Variants in DSC2 observed in about 807,000 individuals in gnomAD.
The protein encoded by DSC2 is desmocollin-2.
DSC2 carries 51 observed loss-of-function variants against 87.6 expected under a neutral mutation model. That is an observed-to-expected ratio of 0.58 (90% confidence interval 0.46 to 0.74). The LOEUF is 0.74. Ranked by LOEUF, DSC2 falls within the 30% of genes least tolerant of loss-of-function variation. The probability of loss-of-function intolerance (pLI) is 0.00; values close to 1 mark genes in which losing one functional copy is unlikely to be tolerated. For synonymous variants in DSC2, 383 were observed against 393.2 expected (o/e 0.97, Z 0.31); for missense variants, 1,066 against 1,089.5 (o/e 0.98, Z 0.30).
At chr18:31,095,684 C>A (rs146772428) in intron 1 of DSC2, among the ~76,000 whole-genome samples, 1 of 152,134 alleles carries the variant, frequency 6.6e-6, no homozygotes, top group Non-Finnish European at 1.5e-5. Context: ...TATCATGTAC[C>A]ACACACAGAG....
chr18:31,095,370 T>A (rs1287255715), intron 1 of DSC2, among the ~76,000 whole-genome samples: 3 of 152,142 alleles, frequency 2.0e-5, no homozygotes, highest in African/African-American at 7.2e-5. Context: ...AGTGCAGATT[T>A]TGTTCTGAGT....
In DSC2 at chr18:31,089,462, G is replaced by T; in HGVS notation, c.607C>A (p.Arg203Ser). Residue 203 changes from arginine (R) to serine (S), a missense_variant, in exon 5 of 16, where the codon CGT becomes AGT. Transcript: ENST00000280904. ...ACCTCAAAAGATTCATACTGCTCAC[G>T]ATCTACAGGACGAGTACAATACAAG... The part of the protein sequence containing the change: ...GNLYCTRPVD[R>S]EQYESFEIIA... The T allele has an allele frequency of 6.2e-7, 1 of 1,613,730 alleles. No individual in the cohort carries two copies. Among genetic ancestry groups the T allele is most frequent in the Non-Finnish European group, 8.5e-7 (1 of 1,179,854 alleles).
At position 31,067,569 on chromosome 18, in the gene DSC2, C is replaced by A. The variant is rs1473256819; in HGVS notation, c.*446G>T. The A allele has an allele frequency of 5.2e-6, 1 of 192,286 alleles. No homozygotes were observed. Among genetic ancestry groups the A allele is most frequent in the Admixed American group, 5.5e-5 (1 of 18,284 alleles). 11.9% of individuals were successfully genotyped at this position (192,286 alleles called of 1,614,324 possible). A position where few individuals can be genotyped will look rare whatever the true frequency, so the allele number is the denominator to read the frequency against. Reference sequence around the variant, plus strand: ...TAATAGCAAGAATGCAGTCTACACACTTTAGATGTTCAGGAAAACAACAGT... The same window carrying A: ...TAATAGCAAGAATGCAGTCTACACAATTTAGATGTTCAGGAAAACAACAGT... On this transcript the variant is annotated 3_prime_UTR_variant, in exon 16 of 16. Coordinates refer to ENST00000280904, the MANE Select transcript of DSC2 (RefSeq NM_024422.6).
rs185410415 is a variant in DSC2 at position 31,092,476 on chromosome 18, A to T, written c.155-176T>A. Among the ~76,000 whole-genome samples the T allele has an allele frequency of 3.3e-5, 5 of 152,354 alleles. No individual in the cohort carries two copies. The South Asian group carries it at 8.3e-4, about 25-fold the overall frequency. ...AATTAAGTTGTGCTTAAATACTTACATCACTTCTAATACCTACTTAACATT... is the reference window on the plus strand; with the variant it reads ...AATTAAGTTGTGCTTAAATACTTACTTCACTTCTAATACCTACTTAACATT... On this transcript the variant is annotated intron_variant, in intron 2 of 15. Transcript: ENST00000280904.
intron 2 of DSC2, among the ~76,000 whole-genome samples, chr18:31,092,794 A>G (rs1790686): frequency 0.4 from 60,116 of 152,020 alleles, 12,524 homozygotes; most frequent in Non-Finnish European, 0.48. Flanking sequence ...ATAAAAAAAT[A>G]CAATACAGAG....
chr18:31,078,307 A>G (rs1171927849), intron 11 of DSC2, among the ~76,000 whole-genome samples: 2 of 152,234 alleles, frequency 1.3e-5, no homozygotes, highest in Non-Finnish European at 2.9e-5. Flanking sequence ...ACACAGAGTA[A>G]CACAATGACT....
chr18:31,081,824 T>A (rs1296232069), intron 9 of DSC2, among the ~76,000 whole-genome samples: 1 of 152,140 alleles, frequency 6.6e-6, no homozygotes, highest in Non-Finnish European at 1.5e-5. Context: ...ATACTGAATA[T>A]GATGAACAAA....
chr18:31,082,704 C>T (rs1452815595), intron 8 of DSC2, among the ~76,000 whole-genome samples: 1 of 152,018 alleles, frequency 6.6e-6, no homozygotes, highest in Admixed American at 6.6e-5. Flanking sequence ...ATTACAGGTG[C>T]CTGTCACCAT....
At chr18:31,070,620 T>C in intron 14 of DSC2, 106 bp downstream of exon 14, 1 of 1,483,738 alleles carries the variant, frequency 6.7e-7, no homozygotes, top group South Asian at 1.2e-5. Context: ...CTATGGTAAA[T>C]TGCCTGATAC....
intron 12 of DSC2, among the ~76,000 whole-genome samples, chr18:31,074,130 G>A (rs769331522): frequency 5.9e-5 from 9 of 152,168 alleles, no homozygotes; most frequent in Non-Finnish European, 1.2e-4. Context: ...GACTCCCCCT[G>A]GGGTTCACTG....
rs1986632734 is a variant in DSC2 at position 31,066,768 on chromosome 18, A to T, written c.*1247T>A. The T allele has an allele frequency of 6.6e-6, 1 of 152,114 alleles. No homozygotes were observed. The highest frequency in any genetic ancestry group is 2.1e-4 in the South Asian group (1 of 4,824). The allele number at this position is 152,114 out of a possible 1,614,324, so 9.4% of individuals were successfully genotyped here. A position where few individuals can be genotyped will look rare whatever the true frequency, so the allele number is the denominator to read the frequency against. ...GTTAAAATTGTAATCTTAAAATATT[A>T]AAAAAATAACTTTACAAACACACAG... is the stretch of plus-strand genomic sequence containing the variant. On this transcript the variant is annotated 3_prime_UTR_variant, in exon 16 of 16. Coordinates refer to ENST00000280904, the MANE Select transcript of DSC2 (RefSeq NM_024422.6).
At chr18:31,084,038 T>C (rs1987317563) in intron 7 of DSC2, among the ~76,000 whole-genome samples, 1 of 152,212 alleles carries the variant, frequency 6.6e-6, no homozygotes, top group African/African-American at 2.4e-5. Context: ...CTTTCCTACC[T>C]AATTTATCTC....
intron 12 of DSC2, among the ~76,000 whole-genome samples, chr18:31,072,395 T>G (rs1048492031): frequency 6.6e-6 from 1 of 152,358 alleles, no homozygotes; most frequent in African/African-American, 2.4e-5. Context: ...CTGCATCTCC[T>G]GGTCCTAAAG....
intron 7 of DSC2, 113 bp downstream of exon 7, chr18:31,086,463 A>G: frequency 2.3e-6 from 3 of 1,290,442 alleles, no homozygotes. Flanking sequence ...ATAAAATAAT[A>G]ATGTTTCTAA....
At position 31,061,769 on chromosome 18, in the gene DSC2, C is replaced by T. The variant is rs1986506835; in HGVS notation, c.*6246G>A. On this transcript the variant is annotated 3_prime_UTR_variant, in exon 16 of 16. Coordinates refer to ENST00000280904, the MANE Select transcript of DSC2 (RefSeq NM_024422.6). ...ATTTGCTTAATTTAAAACATTTAAG[C>T]AAAAGTAATAGGTTCTGCTTCTTAG... 1 of 152,058 alleles carries T rather than the reference C, an allele frequency of 6.6e-6. No individual in the cohort carries two copies. Among genetic ancestry groups the T allele is most frequent in the African/African-American group, 2.4e-5 (1 of 41,416 alleles). The allele number at this position is 152,058 out of a possible 1,614,324, so 9.4% of individuals were successfully genotyped here. A position where few individuals can be genotyped will look rare whatever the true frequency, so the allele number is the denominator to read the frequency against.
chr18:31,061,347 T>C lies in DSC2; in HGVS notation c.*6668A>G, dbSNP rs552959488. The C allele has an allele frequency of 6.6e-6, 1 of 152,322 alleles. No individual in the cohort carries two copies. Among genetic ancestry groups the C allele is most frequent in the Admixed American group, 6.5e-5 (1 of 15,296 alleles). The allele number at this position is 152,322 out of a possible 1,614,324, so 9.4% of individuals were successfully genotyped here. A position where few individuals can be genotyped will look rare whatever the true frequency, so the allele number is the denominator to read the frequency against. On this transcript the variant is annotated 3_prime_UTR_variant, in exon 16 of 16. Coordinates refer to ENST00000280904, the MANE Select transcript of DSC2 (RefSeq NM_024422.6). ...TAACCTCTCAGCTATGCCCAGATTT[T>C]CTGTAGGGATACAAAGGTACAGTCA...
At chr18:31,076,939 C>T (rs1251648033) in intron 11 of DSC2, among the ~76,000 whole-genome samples, 1 of 152,052 alleles carries the variant, frequency 6.6e-6, no homozygotes, top group Non-Finnish European at 1.5e-5. Context: ...CTGCACAGTG[C>T]CATGGGAAAG....
intron 9 of DSC2, 40 bp downstream of exon 9, chr18:31,082,198 G>C: frequency 6.4e-7 from 1 of 1,560,810 alleles, no homozygotes; most frequent in Non-Finnish European, 8.8e-7. Flanking sequence ...GCTATTCTAT[G>C]ATATTATAAA....
intron 12 of DSC2, among the ~76,000 whole-genome samples, chr18:31,072,243 G>C (rs1986860282): frequency 6.6e-6 from 1 of 152,088 alleles, no homozygotes; most frequent in South Asian, 2.1e-4. Context: ...CTGAAATTCT[G>C]GATGTTTTCC....
Sources: allele counts gnomAD v4.1 joint callset (sites outside exome capture counted in the v4.1 genomes callset), GRCh38; gene constraint gnomAD v4.1.1; transcripts MANE v1.5; gene names NCBI Gene and HGNC (gene_info 2026-07-23, HGNC 2026-07-21).